The following MIR2052HG variants were observed in gnomAD, a reference collection of about 807,000 sequenced individuals.
MIR2052HG encodes MIR2052 host gene.
At chr8:74,745,632 T>A (rs1809877119) in intron 4 of MIR2052HG, among the ~76,000 whole-genome samples, 1 of 151,926 alleles carries the variant, frequency 6.6e-6, no homozygotes, top group Non-Finnish European at 1.5e-5. Flanking sequence ...AAACGCATGG[T>A]CCAGGGACAT....
chr8:74,698,113 A>G (rs533067734), intron 2 of MIR2052HG, among the ~76,000 whole-genome samples: 6 of 152,336 alleles, frequency 3.9e-5, no homozygotes, highest in Non-Finnish European at 7.3e-5. Context: ...ACCATACTGT[A>G]AGGCCATAGT....
chr8:74,711,121 C>T (rs269192), intron 4 of MIR2052HG, among the ~76,000 whole-genome samples: 99,025 of 152,100 alleles, frequency 0.65, 33,823 homozygotes, highest in African/African-American at 0.86. Context: ...TCCAAGTCCA[C>T]TGGAAAACTG....
At position 74,749,848 on chromosome 8, in the gene MIR2052HG, C is replaced by CA. The variant is rs10628806; in HGVS notation, n.372-2575dup. Among the ~76,000 whole-genome samples, 867 of 107,738 alleles carry CA rather than the reference C, an allele frequency of 8.0e-3. 26 individuals are homozygous for CA. Among genetic ancestry groups the CA allele is most frequent in the Non-Finnish European group, 0.01 (541 of 53,792 alleles). 70.7% of individuals were successfully genotyped at this position (107,738 alleles called of 152,430 possible). A position where few individuals can be genotyped will look rare whatever the true frequency, so the allele number is the denominator to read the frequency against. On this transcript the variant is annotated intron_variant and non_coding_transcript_variant, in intron 4 of 6. Coordinates refer to ENST00000523442, the Ensembl canonical transcript of MIR2052HG. Reference sequence around the variant, plus strand: ...TGGAAGACAGAGTGAGACTCCATCTCAAAAAAAAAAAAAAAAAAGTATTGT... The same window carrying CA: ...TGGAAGACAGAGTGAGACTCCATCTCAAAAAAAAAAAAAAAAAAAGTATTGT...
intron 2 of MIR2052HG, among the ~76,000 whole-genome samples, chr8:74,668,608 G>T (rs759141154): frequency 9.2e-5 from 14 of 152,050 alleles, no homozygotes; most frequent in Non-Finnish European, 1.8e-4. Flanking sequence ...CTCTCTTTGG[G>T]GCATGGTGGT....
At chr8:74,706,609 T>A (rs1273399793) in intron 4 of MIR2052HG, among the ~76,000 whole-genome samples, 1 of 152,102 alleles carries the variant, frequency 6.6e-6, no homozygotes, top group Non-Finnish European at 1.5e-5. Flanking sequence ...CTTGTATCAT[T>A]GTTTCATTTG....
chr8:74,689,165 T>C (rs1158277826), intron 2 of MIR2052HG, among the ~76,000 whole-genome samples: 2 of 152,160 alleles, frequency 1.3e-5, no homozygotes, highest in African/African-American at 2.4e-5. Context: ...TGAGGTGATA[T>C]GTGCTTGGGA....
chr8:74,614,051 C>A (rs1281916568), intron 2 of MIR2052HG, among the ~76,000 whole-genome samples: 3 of 152,186 alleles, frequency 2.0e-5, no homozygotes, highest in Non-Finnish European at 4.4e-5. Context: ...CTCAAAGTAA[C>A]ATAGAGGATT....
At chr8:74,633,261 C>G (rs1271423645) in intron 2 of MIR2052HG, 3 of 152,168 alleles carry the variant, frequency 2.0e-5, no homozygotes, top group Non-Finnish European at 4.4e-5. Flanking sequence ...CTCCTGGGTT[C>G]CAGCGATCTT....
chr8:74,751,064 C>T (rs1258388966), intron 4 of MIR2052HG, among the ~76,000 whole-genome samples: 1 of 152,078 alleles, frequency 6.6e-6, no homozygotes, highest in Non-Finnish European at 1.5e-5. Flanking sequence ...GCAAATTTGC[C>T]CACTCATTAA....
chr8:74,642,558 G>T (rs1373144218), intron 2 of MIR2052HG, among the ~76,000 whole-genome samples: 1 of 152,112 alleles, frequency 6.6e-6, no homozygotes, highest in Non-Finnish European at 1.5e-5. Context: ...TTTTAAGGTT[G>T]CAACAAAATT....
At chr8:74,738,716 A>G (rs112301619) in intron 4 of MIR2052HG, among the ~76,000 whole-genome samples, 30 of 152,324 alleles carry the variant, frequency 2.0e-4, no homozygotes, top group African/African-American at 7.0e-4. Context: ...ATATTTCTCA[A>G]ACCTACCAAT....
chr8:74,661,827 C>G (rs1044757234), intron 2 of MIR2052HG, among the ~76,000 whole-genome samples: 3 of 151,980 alleles, frequency 2.0e-5, no homozygotes, highest in Non-Finnish European at 4.4e-5. Flanking sequence ...AAAATAGACT[C>G]AAAGCATCCC....
At chr8:74,715,101 T>C (rs1296925296) in intron 4 of MIR2052HG, among the ~76,000 whole-genome samples, 1 of 152,190 alleles carries the variant, frequency 6.6e-6, no homozygotes, top group East Asian at 1.9e-4. Context: ...TCAAAGAGAA[T>C]ATATTCTTAG....
chr8:74,653,543 G>T (rs1808774007), intron 2 of MIR2052HG, among the ~76,000 whole-genome samples: 1 of 152,136 alleles, frequency 6.6e-6, no homozygotes. Context: ...GTAAATAAAA[G>T]TTCTAACTGT....
intron 2 of MIR2052HG, among the ~76,000 whole-genome samples, chr8:74,701,567 C>T (rs1809358511): frequency 6.6e-6 from 1 of 152,036 alleles, no homozygotes; most frequent in African/African-American, 2.4e-5. Flanking sequence ...CTAGACTGTT[C>T]CTAGGTTATG....
chr8:74,612,954 T>C (rs560805834), intron 2 of MIR2052HG: 5 of 456,126 alleles, frequency 1.1e-5, no homozygotes, highest in Admixed American at 7.0e-5. Flanking sequence ...GGAAAGATCT[T>C]TGAGTGCAGC....
Position 74,622,836 on chromosome 8 carries a change from C to T in MIR2052HG, n.216+9896C>T, listed in dbSNP as rs141978678. 4.9e-4 allele frequency among the ~76,000 whole-genome samples: 74 copies of T among 151,904 alleles called. No homozygotes were observed. In the East Asian group the frequency reaches 0.013, roughly 27 times the overall value. On this transcript the variant is annotated intron_variant and non_coding_transcript_variant, in intron 2 of 6. Transcript: ENST00000523442. ...TTATGAAAACCACCGAGAGGTTCCT[C>T]AAAAACTTAAAAATAGAATTCTGTC...
chr8:74,653,053 CT>C (rs565456049), intron 2 of MIR2052HG, among the ~76,000 whole-genome samples: 116 of 152,230 alleles, frequency 7.6e-4, no homozygotes, highest in Non-Finnish European at 1.3e-3. Context: ...TATACCTAAA[CT>C]TTTTTTTCCC....
chr8:74,645,688 G>T (rs543155211), intron 2 of MIR2052HG, among the ~76,000 whole-genome samples: 3 of 152,160 alleles, frequency 2.0e-5, no homozygotes, highest in African/African-American at 4.8e-5. Context: ...AAGCCCAAAC[G>T]GGTTTACTGG....
Sources: gnomAD v4.1 joint callset for allele counts (sites outside exome capture counted in the v4.1 genomes callset) on GRCh38, gnomAD v4.1.1 for gene constraint, MANE v1.5 for transcripts, NCBI Gene and HGNC (gene_info 2026-07-23, HGNC 2026-07-21) for gene names.